The following ANKMY1 variants were observed in gnomAD, a reference collection of about 807,000 sequenced individuals.
ANKMY1 encodes the protein ankyrin repeat and MYND domain containing 1.
Under a neutral mutation model 102.0 loss-of-function variants are expected in ANKMY1, and 98 were observed. That is an observed-to-expected ratio of 0.96 (90% confidence interval 0.82 to 1.14). ANKMY1 has a LOEUF of 1.14. Ranked by LOEUF, ANKMY1 falls within the 50% of genes most tolerant of loss-of-function variation. The pLI is 0.00. For missense variants in ANKMY1, 1,330 were observed against 1,347.6 expected, an observed-to-expected ratio of 0.99 and a Z score of 0.20; for synonymous variants, 582 against 559.9, an observed-to-expected ratio of 1.04 and a Z score of -0.56.
chr2:240,555,131 G>A (rs1021092927), intron 2 of ANKMY1, 76 bp from the exon 3 acceptor site: 13 of 1,470,090 alleles, frequency 8.8e-6, no homozygotes, highest in African/African-American at 2.8e-5. Flanking sequence ...CACAACCCCC[G>A]AGCACAACCC....
chr2:240,503,939 G>A lies in ANKMY1; in HGVS notation c.2527-3374C>T, dbSNP rs562206332. Among the ~76,000 whole-genome samples, 11 of 152,312 alleles carry A rather than the reference G, an allele frequency of 7.2e-5. No individual in the cohort carries two copies. In the South Asian group the frequency reaches 2.3e-3, roughly 32 times the overall value. On this transcript the variant is annotated intron_variant, in intron 13 of 17. Coordinates refer to ENST00000401804, the MANE Select transcript of ANKMY1 (RefSeq NM_001282771.3). ...TGCAGGCAGAGCACCATGAGCTGAG[G>A]AGGGCAGAGGTGGCCACCAAGCCCC... is the stretch of plus-strand genomic sequence containing the variant.
In ANKMY1 at chr2:240,499,385, G is replaced by A. The variant is rs2077762263; in HGVS notation, c.2806+573C>T. 7.1e-6 allele frequency among the ~76,000 whole-genome samples: 1 copy of A among 141,182 alleles called. No homozygotes were observed. Among genetic ancestry groups the A allele is most frequent in the Non-Finnish European group, 1.6e-5 (1 of 64,306 alleles). 92.6% of individuals were successfully genotyped at this position (141,182 alleles called of 152,430 possible). On this transcript the variant is annotated intron_variant, in intron 15 of 17. Coordinates refer to ENST00000401804, the MANE Select transcript of ANKMY1 (RefSeq NM_001282771.3). The surrounding 1 kb of genome is among the most constrained non-coding windows in gnomAD (Gnocchi z 4.2). ...GTAGGTGGGTGGGGATGTGGGGGTA[G>A]GGAGTGACTATGTGGGGGTGGGGGT...
chr2:240,560,856 C>T (rs1559408013), upstream of ANKMY1: 4 of 1,393,332 alleles, frequency 2.9e-6, no homozygotes, highest in Admixed American at 7.2e-5. Context: ...GCAGCCCGGC[C>T]CGCGCGCGCC....
chr2:240,515,220 T>G (rs2080956961), intron 9 of ANKMY1, among the ~76,000 whole-genome samples: 1 of 152,186 alleles, frequency 6.6e-6, no homozygotes, highest in South Asian at 2.1e-4. Context: ...AGGGTTTTCT[T>G]TGAGATCTGA....
chr2:240,549,101 C>A (rs2091015672), intron 4 of ANKMY1, among the ~76,000 whole-genome samples: 1 of 151,568 alleles, frequency 6.6e-6, no homozygotes, highest in South Asian at 2.1e-4. Flanking sequence ...ATCACACTAC[C>A]TGACTTCAAA....
At chr2:240,530,727 G>C (rs1575201769) in intron 4 of ANKMY1, among the ~76,000 whole-genome samples, 1 of 152,230 alleles carries the variant, frequency 6.6e-6, no homozygotes, top group East Asian at 1.9e-4. Flanking sequence ...CCATTGAAGG[G>C]TGTCAGGAGA....
At chr2:240,537,440 G>T (rs1317113682) in intron 4 of ANKMY1, among the ~76,000 whole-genome samples, 1 of 152,132 alleles carries the variant, frequency 6.6e-6, no homozygotes, top group Non-Finnish European at 1.5e-5. Context: ...AACCTCACTT[G>T]TAACTGCTGC....
rs1310963318 is a variant in ANKMY1 at position 240,520,092 on chromosome 2, CCTTAGTTTG to C, written c.2004+261_2004+269del. The C allele has an allele frequency of 1.5e-6, 1 of 658,094 alleles. No homozygotes were observed. The highest frequency in any genetic ancestry group is 2.9e-6 in the Non-Finnish European group (1 of 349,012). 40.8% of individuals were successfully genotyped at this position (658,094 alleles called of 1,614,324 possible). A position where few individuals can be genotyped will look rare whatever the true frequency, so the allele number is the denominator to read the frequency against. ...CAAGGGGCCTTCAGGATGCGCTTCC[CCTTAGTTTG>C]CTTCAACACTGGGAAAAAAATCACA... On this transcript the variant is annotated intron_variant, in intron 9 of 17. Transcript: ENST00000401804. This position sits in a 1 kb window ranked among gnomAD's most constrained non-coding sequence, Gnocchi z 4.8.
intron 16 of ANKMY1, 93 bp downstream of exon 16, chr2:240,482,090 G>C: frequency 7.2e-7 from 1 of 1,395,008 alleles, no homozygotes; most frequent in Non-Finnish European, 9.9e-7. Flanking sequence ...CATGGAGGCT[G>C]TCCCGGGATG....
intron 9 of ANKMY1, among the ~76,000 whole-genome samples, chr2:240,515,818 C>T (rs1285692501): frequency 1.3e-5 from 2 of 151,868 alleles, no homozygotes; most frequent in Non-Finnish European, 1.5e-5. Context: ...CCCAGGTTCA[C>T]ACCATTCTCC....
upstream of ANKMY1, chr2:240,560,349 CAA>C: frequency 4.6e-6 from 1 of 215,722 alleles, no homozygotes; most frequent in East Asian, 9.5e-5. Flanking sequence ...GCGCTGCGCC[CAA>C]GAGCCACAGA....
At chr2:240,468,773 A>C in the ANKMY1 span, among the ~76,000 whole-genome samples, 1 of 152,158 alleles carries the variant, frequency 6.6e-6, no homozygotes, top group African/African-American at 2.4e-5. Flanking sequence ...GCCCCTTGTG[A>C]GCGTGAGAGC....
chr2:240,546,313 G>T (rs2090362382), intron 4 of ANKMY1, among the ~76,000 whole-genome samples: 1 of 151,808 alleles, frequency 6.6e-6, no homozygotes, highest in African/African-American at 2.4e-5. Flanking sequence ...CAAATGCTGA[G>T]AGATTTTGTC....
At chr2:240,469,072 G>A in the ANKMY1 span, among the ~76,000 whole-genome samples, 3 of 152,206 alleles carry the variant, frequency 2.0e-5, no homozygotes, top group Admixed American at 6.5e-5. Context: ...CTAGGGGACA[G>A]GTGAGCAGCC....
In ANKMY1 at chr2:240,539,225, C is replaced by G. The variant is rs192039384; in HGVS notation, c.481-9716G>C. On this transcript the variant is annotated intron_variant, in intron 4 of 17. Transcript: ENST00000401804. ...GCGTTTATGAGCTGTTAACACTCAC[C>G]GCAAAGGTCTGCAGCTTCACTCCTG... Among the ~76,000 whole-genome samples the G allele has an allele frequency of 7.0e-4, 107 of 152,288 alleles. 1 individual carries two copies. The highest frequency in any genetic ancestry group is 2.3e-3 in the African/African-American group (97 of 41,522).
intron 4 of ANKMY1, among the ~76,000 whole-genome samples, chr2:240,552,284 A>G (rs1194443366): frequency 6.6e-6 from 1 of 152,088 alleles, no homozygotes; most frequent in Non-Finnish European, 1.5e-5. Flanking sequence ...ATTGGCTCAG[A>G]ATAAACCTCT....
chr2:240,526,406 G>T lies in ANKMY1; in HGVS notation c.993C>A (p.Ile331=). The change falls in exon 6 of 18, where the codon ATC becomes ATA. Residue 331 remains isoleucine (I), a synonymous_variant. Coordinates refer to ENST00000401804, the MANE Select transcript of ANKMY1 (RefSeq NM_001282771.3). ...CAAAGCCACTGCGCTTCCCCTCCAGGATGGCGCCCATGTTCCAGCTGGTGT... is the reference window on the plus strand; with the variant it reads ...CAAAGCCACTGCGCTTCCCCTCCAGTATGGCGCCCATGTTCCAGCTGGTGT... ...PAHTSWNMGA[I]LEGKRSGFAP... The T allele has an allele frequency of 6.2e-7, 1 of 1,614,140 alleles. No homozygotes were observed.
At chr2:240,538,686 C>G (rs2087665538) in intron 4 of ANKMY1, among the ~76,000 whole-genome samples, 1 of 152,158 alleles carries the variant, frequency 6.6e-6, no homozygotes, top group Non-Finnish European at 1.5e-5. Flanking sequence ...GGGCACCTCC[C>G]CCAGTGGCCC....
downstream of ANKMY1, among the ~76,000 whole-genome samples, chr2:240,478,461 C>A (rs1035412980): frequency 4.6e-5 from 7 of 152,154 alleles, no homozygotes; most frequent in Non-Finnish European, 8.8e-5. Context: ...CATCCCAGAC[C>A]CCCCTGAGCA....
Sources: allele counts gnomAD v4.1 joint callset (sites outside exome capture counted in the v4.1 genomes callset), GRCh38; gene constraint gnomAD v4.1.1; non-coding constraint Gnocchi (gnomAD v3.1); transcripts MANE v1.5; gene names NCBI Gene and HGNC (gene_info 2026-07-23, HGNC 2026-07-21).